PCDHA5: variants seen among roughly 807,000 people sequenced by gnomAD.
PCDHA5 encodes protocadherin alpha-5.
In PCDHA5, 43 loss-of-function variants were observed where a neutral mutation model predicts 61.6. That is an observed-to-expected ratio of 0.70 (90% confidence interval 0.55 to 0.90). The LOEUF (loss-of-function observed/expected upper bound fraction) is 0.90. Ranked by LOEUF, PCDHA5 falls within the 40% of genes least tolerant of loss-of-function variation. PCDHA5 has a pLI of 0.00. For missense variants in PCDHA5, 1,298 were observed against 1,222.7 expected, an observed-to-expected ratio of 1.06 and a Z score of -0.92; for synonymous variants, 627 against 543.9, an observed-to-expected ratio of 1.15 and a Z score of -2.13.
chr5:140,969,028 A>G (rs1554231371), intron 1 of PCDHA5: 1 of 1,614,208 alleles, frequency 6.2e-7, no homozygotes, highest in Non-Finnish European at 8.5e-7. Context: ...GGTCCCCTGC[A>G]GAACTGTACA....
At chr5:140,845,380 G>A (rs1779849548) in intron 1 of PCDHA5, among the ~76,000 whole-genome samples, 1 of 149,264 alleles carries the variant, frequency 6.7e-6, no homozygotes, top group South Asian at 2.1e-4. Context: ...TAAATAGGAG[G>A]ATTCTTTCCA....
intron 1 of PCDHA5, chr5:140,842,240 A>G: frequency 6.2e-7 from 1 of 1,612,484 alleles, no homozygotes; most frequent in East Asian, 2.2e-5. Context: ...GATTCGGGGT[A>G]ATTTGGATTT....
At chr5:140,900,032 A>G (rs1439772684) in intron 1 of PCDHA5, among the ~76,000 whole-genome samples, 1 of 151,930 alleles carries the variant, frequency 6.6e-6, no homozygotes, top group Non-Finnish European at 1.5e-5. Context: ...TTGGCCTTGA[A>G]TTCCTGGGCT....
intron 1 of PCDHA5, among the ~76,000 whole-genome samples, chr5:140,971,015 G>C (rs1425390222): frequency 6.6e-6 from 1 of 152,228 alleles, no homozygotes; most frequent in Non-Finnish European, 1.5e-5. Flanking sequence ...GAAGTCTTTA[G>C]ATCGTAGCAT....
At chr5:140,886,852 G>T (rs1554182787) in intron 1 of PCDHA5, among the ~76,000 whole-genome samples, 1 of 146,470 alleles carries the variant, frequency 6.8e-6, no homozygotes, top group Non-Finnish European at 1.5e-5. Flanking sequence ...AAAAAAGAAA[G>T]GTCTTCCCAA....
intron 1 of PCDHA5, among the ~76,000 whole-genome samples, chr5:140,910,364 TATGCCCACCTTGCC>T: frequency 6.6e-6 from 1 of 152,222 alleles, no homozygotes; most frequent in Admixed American, 6.5e-5. Context: ...TTATGGTAGC[TATGCCCACCTTGCC>T]TTTGACAGTT....
chr5:140,824,431 G>A (rs1581810357), intron 1 of PCDHA5: 2 of 491,526 alleles, frequency 4.1e-6, no homozygotes, highest in Non-Finnish European at 7.1e-6. Context: ...CATTCTCAAA[G>A]TTTCAGTTTA....
intron 1 of PCDHA5, chr5:140,858,337 C>G (rs782748390): frequency 6.3e-7 from 1 of 1,595,568 alleles, no homozygotes; most frequent in Admixed American, 1.7e-5. Context: ...AGGGCCTGCC[C>G]AAGGCGGACC....
chr5:140,850,629 G>C, intron 1 of PCDHA5: 1 of 1,598,736 alleles, frequency 6.3e-7, no homozygotes, highest in South Asian at 1.1e-5. Flanking sequence ...TAGCCTGTTG[G>C]TTCTCACGCT....
intron 1 of PCDHA5, chr5:140,882,600 A>G: frequency 6.2e-7 from 1 of 1,614,252 alleles, no homozygotes; most frequent in East Asian, 2.2e-5. Context: ...GTGATCGTGG[A>G]CAGGCCTCTG....
At chr5:140,869,669 T>A in intron 1 of PCDHA5, 1 of 1,613,476 alleles carries the variant, frequency 6.2e-7, no homozygotes, top group South Asian at 1.1e-5. Flanking sequence ...GGTAAGCAGA[T>A]TAAAAGACTG....
chr5:140,999,801 G>T (rs1271249129), intron 3 of PCDHA5, among the ~76,000 whole-genome samples: 1 of 152,112 alleles, frequency 6.6e-6, no homozygotes, highest in Admixed American at 6.5e-5. Flanking sequence ...GTTATTTTGG[G>T]CACAAAGCAA....
At chr5:140,993,830 A>G (rs536970854) in intron 3 of PCDHA5, among the ~76,000 whole-genome samples, 44 of 152,326 alleles carry the variant, frequency 2.9e-4, no homozygotes, top group Non-Finnish European at 5.0e-4. Context: ...GCTATACCAT[A>G]TAGCCTAGGT....
intron 1 of PCDHA5, among the ~76,000 whole-genome samples, chr5:140,972,660 A>ATTT (rs11350929): frequency 1.0e-4 from 12 of 117,258 alleles, no homozygotes; most frequent in Non-Finnish European, 1.7e-4. Flanking sequence ...AAGAAACCAA[A>ATTT]TTTTTTTTTT....
At chr5:140,895,339 T>C (rs1331642230) in intron 1 of PCDHA5, among the ~76,000 whole-genome samples, 3 of 152,196 alleles carry the variant, frequency 2.0e-5, no homozygotes, top group African/African-American at 4.8e-5. Context: ...ATTGTTTTAC[T>C]ATGCTTTCCA....
intron 1 of PCDHA5, among the ~76,000 whole-genome samples, chr5:140,950,427 C>T (rs393858): frequency 0.56 from 85,078 of 151,138 alleles, 24,477 homozygotes; most frequent in African/African-American, 0.69. Flanking sequence ...TTTTCTTCCA[C>T]TTAAAAAAAA....
rs2045496791 is a variant in PCDHA5 at position 140,858,579 on chromosome 5, T to C, written c.2352+34452T>C. 3 of 1,349,862 alleles carry C rather than the reference T, an allele frequency of 2.2e-6. No individual in the cohort carries two copies. In the East Asian group the frequency reaches 7.4e-5, roughly 33 times the overall value. The allele number at this position is 1,349,862 out of a possible 1,614,324, so 83.6% of individuals were successfully genotyped here. On this transcript the variant is annotated intron_variant, in intron 1 of 3. Transcript: ENST00000529859. Reference sequence around the variant, plus strand: ...AATATTTCTAGTGATACCTTTGTAATATAATTTATTCCAGGAGTTTTAAAA... The same window carrying C: ...AATATTTCTAGTGATACCTTTGTAACATAATTTATTCCAGGAGTTTTAAAA...
At chr5:140,973,107 G>A (rs2096572271) in intron 1 of PCDHA5, among the ~76,000 whole-genome samples, 1 of 152,192 alleles carries the variant, frequency 6.6e-6, no homozygotes, top group South Asian at 2.1e-4. Flanking sequence ...TTATGAAAGA[G>A]TAGCAGAGAT....
chr5:140,993,408 A>G (rs985721464), intron 3 of PCDHA5, among the ~76,000 whole-genome samples: 1 of 150,930 alleles, frequency 6.6e-6, no homozygotes, highest in African/African-American at 2.4e-5. Flanking sequence ...AACCACCTTC[A>G]TCAGCATTTC....
Sources: gnomAD v4.1 joint callset for allele counts (sites outside exome capture counted in the v4.1 genomes callset) on GRCh38, gnomAD v4.1.1 for gene constraint, MANE v1.5 for transcripts, NCBI Gene and HGNC (gene_info 2026-07-23, HGNC 2026-07-21) for gene names.